Variants in OGT observed in about 807,000 individuals in gnomAD.
OGT encodes O-linked N-acetylglucosamine (GlcNAc) transferase, also known as UDP-N-acetylglucosamine--peptide N-acetylglucosaminyltransferase 110 kDa subunit.
In OGT, 3 loss-of-function variants were observed where a neutral mutation model predicts 75.8. The ratio of observed to expected loss-of-function variants is 0.04; its 90% CI spans 0.02 to 0.10. The LOEUF (loss-of-function observed/expected upper bound fraction) is 0.10. Ranked by LOEUF, OGT falls within the 10% of genes least tolerant of loss-of-function variation. The pLI, the probability that OGT is intolerant of heterozygous loss-of-function variation, is 1.00. For synonymous variants in OGT, 257 were observed against 289.7 expected, an observed-to-expected ratio of 0.89 and a Z score of 1.15; for missense variants, 260 against 824.4, an observed-to-expected ratio of 0.32 and a Z score of 8.38.
At chrX:71,565,326 G>A (rs913942136) in intron 19 of OGT, among the ~76,000 whole-genome samples, 2 of 111,331 alleles carry the variant, frequency 1.8e-5, no homozygotes, top group South Asian at 3.7e-4. Context: ...TCCCAGGTTC[G>A]AGTTATTCTT....
intron 3 of OGT, among the ~76,000 whole-genome samples, 196 bp from the exon 4 acceptor site, chrX:71,544,371 C>T (rs957622137): frequency 1.8e-5 from 2 of 111,666 alleles, no homozygotes; most frequent in African/African-American, 6.5e-5. Context: ...CAGGTTTAAC[C>T]CTCAAATGAG....
At position 71,560,290 on chromosome X, in the gene OGT, A is replaced by G. The variant is rs749916434; in HGVS notation, c.1851+613A>G. Among the ~76,000 whole-genome samples, 784 of 108,778 alleles carry G rather than the reference A, an allele frequency of 7.2e-3. 9 individuals carry two copies. Among genetic ancestry groups the G allele is most frequent in the African/African-American group, 0.025 (742 of 29,927 alleles). 94.5% of individuals were successfully genotyped at this position (108,778 alleles called of 115,157 possible). On this transcript the variant is annotated intron_variant, in intron 14 of 21. Coordinates refer to ENST00000373719, the MANE Select transcript of OGT (RefSeq NM_181672.3). ...GACTCTGTCTCAAAAAAAAAAAAAA[A>G]AAAAGAAAAAATAGATGAACTATGG...
intron 19 of OGT, among the ~76,000 whole-genome samples, chrX:71,566,584 A>G (rs756131888): frequency 3.2e-4 from 36 of 112,099 alleles, no homozygotes; most frequent in African/African-American, 1.0e-3. Flanking sequence ...CCATGATTCA[A>G]TTACCTACCA....
intron 1 of OGT, among the ~76,000 whole-genome samples, chrX:71,535,888 T>G (rs1337758841): frequency 4.5e-5 from 5 of 112,206 alleles, no homozygotes; most frequent in African/African-American, 1.6e-4. Flanking sequence ...TGATTTATAA[T>G]TTAAAAGTAC....
intron 5 of OGT, among the ~76,000 whole-genome samples, chrX:71,552,212 G>A (rs1042573983): frequency 3.6e-5 from 4 of 109,592 alleles, no homozygotes; most frequent in Non-Finnish European, 7.6e-5. Flanking sequence ...GCGACAGAGT[G>A]AGTGACACTC....
At position 71,561,789 on chromosome X, in the gene OGT, A is replaced by G; in HGVS notation, c.1866A>G (p.Gly622=). Residue 622 remains glycine (G), a synonymous_variant, in exon 15 of 22, where the codon GGA becomes GGG. Transcript: ENST00000373719. ...FIDLSQIPCN[G]KAADRIHQDG... ...GTATTCTGTAGATTCCATGCAATGG[A>G]AAAGCAGCTGATCGCATCCATCAGG... is the stretch of plus-strand genomic sequence containing the variant. The G allele has an allele frequency of 8.3e-7, 1 of 1,202,056 alleles. No homozygotes were observed. The highest frequency in any genetic ancestry group is 1.1e-6 in the Non-Finnish European group (1 of 889,483).
intron 4 of OGT, chrX:71,546,627 A>G: frequency 1.4e-6 from 1 of 728,277 alleles, no homozygotes; most frequent in Non-Finnish European, 1.6e-6. Flanking sequence ...TATAGCCACA[A>G]TTCTGTCAAA....
At chrX:71,537,800 C>T (rs1225512740) in intron 2 of OGT, 29 bp from the exon 3 acceptor site, 1 of 1,208,143 alleles carries the variant, frequency 8.3e-7, no homozygotes, top group Admixed American at 2.2e-5. Flanking sequence ...CGTGCATACC[C>T]ATGCATTAAC....
At chrX:71,558,351 G>C (rs1367640935) in intron 12 of OGT, among the ~76,000 whole-genome samples, 3 of 110,133 alleles carry the variant, frequency 2.7e-5, no homozygotes, top group Non-Finnish European at 5.7e-5. Flanking sequence ...TAATAGATTG[G>C]AGTGCTAGGT....
rs1226309795 is a variant in OGT, at chrX:71,575,781, TG to T, written c.*1988del. ...GATATAGATATTACTGGAAACTAAT[TG>T]TTTTTTTTCTATTGTACTCTGCTTT... On this transcript the variant is annotated 3_prime_UTR_variant, in exon 22 of 22. Coordinates refer to ENST00000373719, the MANE Select transcript of OGT (RefSeq NM_181672.3). 3 of 112,639 alleles carry T rather than the reference TG, an allele frequency of 2.7e-5. No individual in the cohort carries two copies. The highest frequency in any genetic ancestry group is 9.5e-5 in the Admixed American group (1 of 10,576). 9.3% of individuals were successfully genotyped at this position (112,639 alleles called of 1,213,427 possible). A position where few individuals can be genotyped will look rare whatever the true frequency, so the allele number is the denominator to read the frequency against.
chrX:71,533,191 C>G lies in OGT; in HGVS notation c.-109C>G, dbSNP rs2040146368. The G allele has an allele frequency of 1.3e-6, 1 of 772,406 alleles. No homozygotes were observed. The highest frequency in any genetic ancestry group is 2.3e-5 in the South Asian group (1 of 43,615). The allele number at this position is 772,406 out of a possible 1,213,427, so 63.7% of individuals were successfully genotyped here. On this transcript the variant is annotated 5_prime_UTR_variant, in exon 1 of 22. Transcript: ENST00000373719. ...CTGCCGCCGCTCAAGCCCTCCAGAGCATTGCTACGGCTGCTGCCCTTGTAC... is the reference window on the plus strand; with the variant it reads ...CTGCCGCCGCTCAAGCCCTCCAGAGGATTGCTACGGCTGCTGCCCTTGTAC...
chrX:71,544,209 G>A (rs1327399862), intron 3 of OGT, among the ~76,000 whole-genome samples: 2 of 111,811 alleles, frequency 1.8e-5, no homozygotes, highest in Admixed American at 9.6e-5. Flanking sequence ...GAATTTTTAG[G>A]ATATTAGAAA....
At chrX:71,565,218 C>G (rs941393131) in intron 19 of OGT, among the ~76,000 whole-genome samples, 6 of 111,811 alleles carry the variant, frequency 5.4e-5, no homozygotes, top group African/African-American at 2.0e-4. Flanking sequence ...TTACATGTGA[C>G]TCAACTGGGT....
intron 4 of OGT, chrX:71,546,143 C>G (rs1437761123): frequency 1.3e-6 from 1 of 752,531 alleles, no homozygotes; most frequent in African/African-American, 2.3e-5. Context: ...TTTCTTCCAG[C>G]AAAAATCCCT....
chrX:71,552,705 T>A (rs1192939748), intron 5 of OGT, among the ~76,000 whole-genome samples: 2 of 107,519 alleles, frequency 1.9e-5, no homozygotes, highest in Non-Finnish European at 3.8e-5. Flanking sequence ...ATGAAGGAAT[T>A]GCTGTCTTTT....
chrX:71,541,431 C>A (rs11796215), intron 3 of OGT, among the ~76,000 whole-genome samples: 3,306 of 111,861 alleles, frequency 0.03, 73 homozygotes, highest in East Asian at 0.16. Context: ...GCATACAATG[C>A]TTTGTTAGGA....
chrX:71,534,141 C>T (rs1280032120), intron 1 of OGT, among the ~76,000 whole-genome samples: 1 of 110,666 alleles, frequency 9.0e-6, no homozygotes, highest in Non-Finnish European at 1.9e-5. Flanking sequence ...GCTGCTTTGG[C>T]GTTGACCACC....
At chrX:71,569,785 G>T (rs2040441482) in intron 21 of OGT, among the ~76,000 whole-genome samples, 1 of 109,638 alleles carries the variant, frequency 9.1e-6, no homozygotes, top group African/African-American at 3.3e-5. Flanking sequence ...GCCCAGGCTG[G>T]AGTGCAGTGG....
chrX:71,567,380 A>G (rs1602155738), intron 19 of OGT, 120 bp from the exon 20 acceptor site: 2 of 532,946 alleles, frequency 3.8e-6, no homozygotes, highest in Non-Finnish European at 2.9e-6. Flanking sequence ...TTAAGTCCAC[A>G]GCAGGCTTCT....
Sources: allele counts gnomAD v4.1 joint callset (sites outside exome capture counted in the v4.1 genomes callset), GRCh38; gene constraint gnomAD v4.1.1; transcripts MANE v1.5; gene names NCBI Gene and HGNC (gene_info 2026-07-23, HGNC 2026-07-21).